GPC5: variants seen among roughly 807,000 people sequenced by gnomAD.
GPC5 encodes glypican 5.
In GPC5, 47 loss-of-function variants were observed where a neutral mutation model predicts 53.9. The ratio of observed to expected loss-of-function variants is 0.87; its 90% CI spans 0.69 to 1.11. The LOEUF (loss-of-function observed/expected upper bound fraction) is 1.11. GPC5 is among the 50% of genes most tolerant of loss of function. The probability of loss-of-function intolerance (pLI) is 0.00; values close to 1 mark genes in which losing one functional copy is unlikely to be tolerated. For missense variants in GPC5, 748 were observed against 713.1 expected (o/e 1.05, Z -0.56); for synonymous variants, 286 against 263.3 (o/e 1.09, Z -0.84).
chr13:91,473,229 G>A (rs1359189542), intron 2 of GPC5, among the ~76,000 whole-genome samples: 1 of 152,000 alleles, frequency 6.6e-6, no homozygotes, highest in Non-Finnish European at 1.5e-5. Context: ...TGACACGTGG[G>A]GATTATAGAT....
chr13:92,722,451 C>A (rs918816996), intron 7 of GPC5, among the ~76,000 whole-genome samples: 1 of 151,760 alleles, frequency 6.6e-6, no homozygotes, highest in Non-Finnish European at 1.5e-5. Context: ...AGGGACTTAG[C>A]CACTTAACCA....
chr13:91,699,822 C>T (rs2035956614), intron 3 of GPC5, among the ~76,000 whole-genome samples: 1 of 152,126 alleles, frequency 6.6e-6, no homozygotes. Context: ...AGGTTTTCAC[C>T]CACCGACTTC....
intron 7 of GPC5, among the ~76,000 whole-genome samples, chr13:92,547,401 G>T (rs1882156372): frequency 6.6e-6 from 1 of 152,148 alleles, no homozygotes; most frequent in African/African-American, 2.4e-5. Context: ...TCCTAAAGTT[G>T]ATTCAGATGA....
intron 7 of GPC5, among the ~76,000 whole-genome samples, chr13:92,358,870 A>G (rs1156860759): frequency 1.3e-5 from 2 of 151,770 alleles, no homozygotes; most frequent in African/African-American, 2.4e-5. Context: ...TGATGGGAGT[A>G]GCTACTGAGA....
rs758532476 is a variant in GPC5, at chr13:92,144,931, A to G, written c.1503A>G (p.Glu501=). The G allele has an allele frequency of 2.5e-6, 4 of 1,594,692 alleles. No homozygotes were observed. The East Asian group carries it at 9.1e-5, about 36-fold the overall frequency. The stretch of plus-strand genomic sequence containing the variant: ...AAGTCAGTGGGGACTGTGATGATGA[A>G]GATGGTTGCGGGGGATCAGGAAGTG... ...VEQVSGDCDD[E]DGCGGSGSGE... is the part of the protein sequence containing the mutation. Residue 501 remains glutamate (E), a synonymous_variant, in exon 7 of 8, where the codon GAA becomes GAG. Transcript: ENST00000377067.
intron 7 of GPC5, among the ~76,000 whole-genome samples, chr13:92,537,629 T>C (rs925657065): frequency 6.6e-6 from 1 of 152,088 alleles, no homozygotes; most frequent in African/African-American, 2.4e-5. Context: ...TACTAGTACA[T>C]TACAGCTCTC....
intron 5 of GPC5, among the ~76,000 whole-genome samples, chr13:91,849,874 A>G (rs1288621317): frequency 1.3e-5 from 2 of 148,202 alleles, no homozygotes; most frequent in African/African-American, 5.1e-5. Flanking sequence ...TATTAGAGCT[A>G]TTATGGGACT....
chr13:91,476,032 G>T (rs1281208332), intron 2 of GPC5, among the ~76,000 whole-genome samples: 2 of 152,146 alleles, frequency 1.3e-5, no homozygotes, highest in Non-Finnish European at 2.9e-5. Flanking sequence ...TAAAAAATAG[G>T]TCATGTGATA....
chr13:92,369,733 C>T (rs1288226881), intron 7 of GPC5, among the ~76,000 whole-genome samples: 1 of 152,214 alleles, frequency 6.6e-6, no homozygotes, highest in African/African-American at 2.4e-5. Context: ...CCTAATCACA[C>T]ACCATTAACA....
intron 3 of GPC5, among the ~76,000 whole-genome samples, chr13:91,709,111 G>A (rs998819828): frequency 3.9e-5 from 6 of 152,156 alleles, no homozygotes; most frequent in Non-Finnish European, 7.3e-5. Flanking sequence ...AGTGTTTACA[G>A]TGTCCTAGGC....
chr13:92,235,138 G>T (rs185286748), intron 7 of GPC5, among the ~76,000 whole-genome samples: 1 of 151,928 alleles, frequency 6.6e-6, no homozygotes, highest in South Asian at 2.1e-4. Context: ...TTTTACCCTC[G>T]GCTTTATATA....
At chr13:91,587,702 G>T (rs143547354) in intron 2 of GPC5, among the ~76,000 whole-genome samples, 260 of 152,008 alleles carry the variant, frequency 1.7e-3, no homozygotes, top group African/African-American at 5.7e-3. Context: ...TTACTCTTTA[G>T]CTGTTTTACG....
intron 7 of GPC5, among the ~76,000 whole-genome samples, chr13:92,848,122 C>T (rs1049704038): frequency 1.3e-5 from 2 of 152,160 alleles, no homozygotes; most frequent in African/African-American, 2.4e-5. Context: ...TGTCAACTCA[C>T]TTTGCCTGCA....
intron 7 of GPC5, among the ~76,000 whole-genome samples, chr13:92,336,329 T>C (rs2043322704): frequency 1.3e-5 from 2 of 152,220 alleles, no homozygotes; most frequent in Non-Finnish European, 2.9e-5. Context: ...TTTGGCTATG[T>C]CTTTACAGTG....
At chr13:92,378,825 T>G (rs1398180370) in intron 7 of GPC5, among the ~76,000 whole-genome samples, 1 of 152,140 alleles carries the variant, frequency 6.6e-6, no homozygotes, top group Admixed American at 6.5e-5. Context: ...TGGCATATAG[T>G]ACATGAGAAA....
intron 7 of GPC5, among the ~76,000 whole-genome samples, chr13:92,846,519 C>T (rs986949172): frequency 6.6e-6 from 1 of 152,140 alleles, no homozygotes; most frequent in South Asian, 2.1e-4. Flanking sequence ...TACCTGGCAT[C>T]CACAATCACT....
chr13:92,783,596 C>T (rs567599629), intron 7 of GPC5, among the ~76,000 whole-genome samples: 1 of 152,264 alleles, frequency 6.6e-6, no homozygotes, highest in African/African-American at 2.4e-5. Context: ...ATGGATCTTA[C>T]CTTCATAATC....
In GPC5 at chr13:92,484,724, TTTTTA is replaced by T. The variant is rs563382829; in HGVS notation, c.1561+339745_1561+339749del. 3.0e-3 allele frequency: 463 copies of T among 152,110 alleles called. 1 individual carries two copies. Among genetic ancestry groups the T allele is most frequent in the African/African-American group, 0.011 (446 of 41,510 alleles). 9.4% of individuals were successfully genotyped at this position (152,110 alleles called of 1,614,324 possible). A position where few individuals can be genotyped will look rare whatever the true frequency, so the allele number is the denominator to read the frequency against. ...TAGGTCAGATGTGCCTTGAATAGAATTTTTATTTTATTTTTTTATTTTTTTTTTGA... is the reference window on the plus strand; with the variant it reads ...TAGGTCAGATGTGCCTTGAATAGAATTTTTATTTTTTTATTTTTTTTTTGA... On this transcript the variant is annotated intron_variant, in intron 7 of 7. Coordinates refer to ENST00000377067, the MANE Select transcript of GPC5 (RefSeq NM_004466.6).
chr13:92,423,630 G>A (rs972101549), intron 7 of GPC5, among the ~76,000 whole-genome samples: 9 of 152,156 alleles, frequency 5.9e-5, no homozygotes, highest in African/African-American at 1.7e-4. Flanking sequence ...TAGTTTAAAT[G>A]CCTTAGCTAA....
Sources: allele counts gnomAD v4.1 joint callset (sites outside exome capture counted in the v4.1 genomes callset), GRCh38; gene constraint gnomAD v4.1.1; transcripts MANE v1.5; gene names NCBI Gene and HGNC (gene_info 2026-07-23, HGNC 2026-07-21).